Variants in ARHGEF3 observed in about 807,000 individuals in gnomAD.
The protein encoded by ARHGEF3 is Rho guanine nucleotide exchange factor 3.
Under a neutral mutation model 63.2 loss-of-function variants are expected in ARHGEF3, and 28 were observed. The observed-to-expected ratio is 0.44, with a 90% CI of 0.33 to 0.61. The LOEUF (loss-of-function observed/expected upper bound fraction) is 0.61, where lower values mean the gene tolerates loss of function less well. Among genes scored for constraint, ARHGEF3 ranks in the 20% least tolerant of loss-of-function variants. The pLI is 0.03. For missense variants in ARHGEF3, 533 were observed against 659.3 expected, an observed-to-expected ratio of 0.81 and a Z score of 2.10; for synonymous variants, 266 against 254.2, an observed-to-expected ratio of 1.05 and a Z score of -0.44.
At chr3:56,898,121 C>T (rs528094644) in intron 3 of ARHGEF3, among the ~76,000 whole-genome samples, 1 of 152,164 alleles carries the variant, frequency 6.6e-6, no homozygotes, top group South Asian at 2.1e-4. Flanking sequence ...CTCAAGCAAT[C>T]CTCCTGCCTC....
intron 3 of ARHGEF3, among the ~76,000 whole-genome samples, chr3:56,948,422 T>C (rs1459141439): frequency 6.6e-6 from 1 of 151,412 alleles, no homozygotes; most frequent in East Asian, 1.9e-4. Flanking sequence ...ATCAAATAGG[T>C]GCAATAAAAA....
intron 1 of ARHGEF3, among the ~76,000 whole-genome samples, chr3:57,038,279 G>A (rs1004548801): frequency 1.3e-5 from 2 of 152,202 alleles, no homozygotes; most frequent in African/African-American, 4.8e-5. Context: ...GCCATTTCAG[G>A]AATCGGGTAA....
chr3:57,024,422 C>A (rs997988765), intron 2 of ARHGEF3, among the ~76,000 whole-genome samples: 3 of 151,910 alleles, frequency 2.0e-5, no homozygotes, highest in Non-Finnish European at 4.4e-5. Context: ...CAGAGCTATA[C>A]CTGTATATGG....
At chr3:56,968,042 A>G (rs866423276) in intron 2 of ARHGEF3, among the ~76,000 whole-genome samples, 1 of 9,654 alleles carries the variant, frequency 1.0e-4, no homozygotes. Context: ...AATATATATA[A>G]AATATATATA....
chr3:57,013,807 G>A (rs555694094), intron 2 of ARHGEF3, among the ~76,000 whole-genome samples: 22 of 152,236 alleles, frequency 1.4e-4, no homozygotes, highest in Non-Finnish European at 2.1e-4. Context: ...CTGTCAAAAC[G>A]GACCAATCAG....
At chr3:56,968,245 T>TA (rs1491092573) in intron 2 of ARHGEF3, among the ~76,000 whole-genome samples, 193 of 42,894 alleles carry the variant, frequency 4.5e-3, no homozygotes, top group African/African-American at 0.013. Context: ...AATATATATA[T>TA]TAATATATAA....
intron 1 of ARHGEF3, chr3:57,073,659 C>A: frequency 6.3e-7 from 1 of 1,584,612 alleles, no homozygotes; most frequent in Non-Finnish European, 8.6e-7. Flanking sequence ...GCCCCAGCCT[C>A]CTTTTCTGGA....
At chr3:56,863,303 A>AT (rs112409030) in intron 4 of ARHGEF3, among the ~76,000 whole-genome samples, 11,343 of 128,402 alleles carry the variant, frequency 0.088, 1,392 homozygotes, top group African/African-American at 0.29. Context: ...CACCCAGCTA[A>AT]TTTTTTTTTT....
intron 3 of ARHGEF3, chr3:56,940,952 G>A (rs1047950860): frequency 6.6e-6 from 1 of 152,170 alleles, no homozygotes; most frequent in Non-Finnish European, 1.5e-5. Flanking sequence ...TGACCCCAAA[G>A]CATATACCTT....
At chr3:56,911,288 A>G (rs1056099230) in intron 3 of ARHGEF3, among the ~76,000 whole-genome samples, 4 of 152,274 alleles carry the variant, frequency 2.6e-5, no homozygotes, top group South Asian at 2.1e-4. Context: ...AGGATCTGTC[A>G]TGGGTTATTT....
At chr3:56,952,715 T>C (rs922455943) in intron 3 of ARHGEF3, among the ~76,000 whole-genome samples, 2 of 152,146 alleles carry the variant, frequency 1.3e-5, no homozygotes, top group African/African-American at 4.8e-5. Flanking sequence ...ATAAATGAAG[T>C]TATTGCTATT....
At chr3:56,995,620 C>CGAGAGAGAGA (rs66778716) in intron 2 of ARHGEF3, among the ~76,000 whole-genome samples, 1,401 of 113,034 alleles carry the variant, frequency 0.012, 39 homozygotes, top group African/African-American at 0.016. Context: ...GTAAATTTTC[C>CGAGAGAGAGA]GAGAGAGAGA....
intron 1 of ARHGEF3, among the ~76,000 whole-genome samples, chr3:57,048,324 C>A (rs12485550): frequency 6.6e-6 from 1 of 151,964 alleles, no homozygotes; most frequent in African/African-American, 2.4e-5. Context: ...TTCCATTCTG[C>A]CAGCTGCTGA....
intron 2 of ARHGEF3, among the ~76,000 whole-genome samples, chr3:57,005,196 A>G (rs1452480942): frequency 6.6e-6 from 1 of 152,188 alleles, no homozygotes; most frequent in Non-Finnish European, 1.5e-5. Context: ...GGGAATGGGA[A>G]CGTCCAGGAA....
chr3:56,785,519 T>C (rs1483200429), intron 1 of ARHGEF3, among the ~76,000 whole-genome samples: 1 of 152,180 alleles, frequency 6.6e-6, no homozygotes, highest in African/African-American at 2.4e-5. Context: ...ATTCAACCCA[T>C]GTCGGATGTG....
At chr3:56,980,483 G>A (rs976582205) in intron 2 of ARHGEF3, among the ~76,000 whole-genome samples, 8 of 152,192 alleles carry the variant, frequency 5.3e-5, no homozygotes, top group East Asian at 3.9e-4. Context: ...ACTGTAAGGC[G>A]ACTCATTGTG....
intron 1 of ARHGEF3, among the ~76,000 whole-genome samples, chr3:57,077,731 C>G (rs573975619): frequency 5.9e-5 from 9 of 152,268 alleles, no homozygotes; most frequent in East Asian, 1.9e-4. Context: ...CACCCTCCCC[C>G]CAACCAAGAG....
intron 1 of ARHGEF3, among the ~76,000 whole-genome samples, chr3:57,051,261 G>A (rs1211014836): frequency 6.6e-6 from 1 of 152,172 alleles, no homozygotes; most frequent in Admixed American, 6.5e-5. Flanking sequence ...TCTGAGGTGG[G>A]CGGATAACCT....
chr3:57,046,812 C>T (rs1209483200), intron 1 of ARHGEF3, among the ~76,000 whole-genome samples: 1 of 152,154 alleles, frequency 6.6e-6, no homozygotes, highest in Non-Finnish European at 1.5e-5. Context: ...AGATTCACCA[C>T]CCCCAATCTC....
Sources: gnomAD v4.1 joint callset for allele counts (sites outside exome capture counted in the v4.1 genomes callset) on GRCh38, gnomAD v4.1.1 for gene constraint, MANE v1.5 for transcripts, NCBI Gene and HGNC (gene_info 2026-07-23, HGNC 2026-07-21) for gene names.